SLC13A1: variants seen among roughly 807,000 people sequenced by gnomAD.
The protein encoded by SLC13A1 is Na(+)/sulfate cotransporter.
A neutral mutation model predicts 70.0 loss-of-function variants in SLC13A1; 65 were observed. The ratio of observed to expected loss-of-function variants is 0.93; its 90% CI spans 0.76 to 1.14. The LOEUF is 1.14. Ranked by LOEUF, SLC13A1 falls within the 50% of genes most tolerant of loss-of-function variation. SLC13A1 has a pLI of 0.00. For synonymous variants in SLC13A1, 275 were observed against 250.5 expected (o/e 1.10, Z -0.92); for missense variants, 726 against 717.8 (o/e 1.01, Z -0.13).
chr7:123,168,931 G>A (rs1306437711), intron 4 of SLC13A1, among the ~76,000 whole-genome samples: 1 of 152,100 alleles, frequency 6.6e-6, no homozygotes. Flanking sequence ...GATAGAAAAG[G>A]CATTCTTCTT....
At chr7:123,126,624 G>A (rs1563319521) in intron 10 of SLC13A1, among the ~76,000 whole-genome samples, 1 of 151,924 alleles carries the variant, frequency 6.6e-6, no homozygotes, top group Non-Finnish European at 1.5e-5. Flanking sequence ...AATCTAAAAA[G>A]CCAAAGAAAT....
chr7:123,137,245 A>G (rs926534302), intron 7 of SLC13A1, among the ~76,000 whole-genome samples: 3 of 152,134 alleles, frequency 2.0e-5, no homozygotes, highest in African/African-American at 7.2e-5. Flanking sequence ...TATGCCTCAA[A>G]TTTCTGCCTC....
chr7:123,185,164 C>A (rs1457965197), intron 1 of SLC13A1, among the ~76,000 whole-genome samples: 2 of 151,826 alleles, frequency 1.3e-5, no homozygotes, highest in African/African-American at 4.8e-5. Context: ...TGTTTGAATT[C>A]CTTATGTATT....
intron 2 of SLC13A1, among the ~76,000 whole-genome samples, chr7:123,177,988 TACATA>T (rs1435896442): frequency 1.3e-5 from 2 of 151,320 alleles, no homozygotes; most frequent in Non-Finnish European, 2.9e-5. Context: ...ACTGAGTAAA[TACATA>T]ACATAACACC....
intron 6 of SLC13A1, among the ~76,000 whole-genome samples, chr7:123,153,095 A>G (rs1290204027): frequency 6.6e-6 from 1 of 152,110 alleles, no homozygotes; most frequent in African/African-American, 2.4e-5. Flanking sequence ...TGGATTTCAT[A>G]TAAAAGCTTA....
chr7:123,195,584 T>A (rs563663242), intron 1 of SLC13A1, among the ~76,000 whole-genome samples: 21 of 152,192 alleles, frequency 1.4e-4, no homozygotes, highest in African/African-American at 5.1e-4. Flanking sequence ...TTCTCCCATC[T>A]GTTTATTTTA....
At chr7:123,155,817 A>G (rs1794691336) in intron 6 of SLC13A1, among the ~76,000 whole-genome samples, 1 of 152,052 alleles carries the variant, frequency 6.6e-6, no homozygotes, top group Non-Finnish European at 1.5e-5. Context: ...AAAGGCATAG[A>G]CTTGGCTCCT....
At chr7:123,161,350 C>A (rs1407016806) in intron 6 of SLC13A1, among the ~76,000 whole-genome samples, 1 of 151,372 alleles carries the variant, frequency 6.6e-6, no homozygotes, top group Admixed American at 6.6e-5. Context: ...ACTATAAATA[C>A]TATAGAAATT....
At chr7:123,122,324 G>C (rs1793408731) in intron 12 of SLC13A1, among the ~76,000 whole-genome samples, 1 of 152,154 alleles carries the variant, frequency 6.6e-6, no homozygotes, top group Admixed American at 6.5e-5. Context: ...TCAATTTGAT[G>C]ACTGAGTAAG....
At chr7:123,121,025 ATGTTCT>A (rs1793359277) in intron 12 of SLC13A1, among the ~76,000 whole-genome samples, 1 of 151,958 alleles carries the variant, frequency 6.6e-6, no homozygotes, top group Non-Finnish European at 1.5e-5. Flanking sequence ...TTTTGTGGAA[ATGTTCT>A]TCTTTTCTAT....
intron 7 of SLC13A1, among the ~76,000 whole-genome samples, chr7:123,145,214 T>A (rs1794308997): frequency 6.6e-6 from 1 of 152,140 alleles, no homozygotes; most frequent in South Asian, 2.1e-4. Flanking sequence ...TTTAATTAAT[T>A]CAATAATGTT....
chr7:123,139,681 A>G (rs2470974), intron 7 of SLC13A1, among the ~76,000 whole-genome samples: 4,382 of 152,118 alleles, frequency 0.029, 210 homozygotes, highest in African/African-American at 0.1. Context: ...GCTGTCATAA[A>G]TGGAATTACT....
At chr7:123,178,188 A>C (rs1795518859) in intron 2 of SLC13A1, among the ~76,000 whole-genome samples, 1 of 152,112 alleles carries the variant, frequency 6.6e-6, no homozygotes, top group African/African-American at 2.4e-5. Context: ...AGTTCAACAA[A>C]TATGAGAAAA....
At position 123,134,545 on chromosome 7, in the gene SLC13A1, G is replaced by A; in HGVS notation, c.813-16C>T. On this transcript the variant is annotated splice_polypyrimidine_tract_variant and intron_variant, in intron 7 of 14. Transcript: ENST00000194130. ...AGGATAGCGTCTGTGTGAAAACATG[G>A]AGACGTGTTCAGGGATGGAGAGACA... The A allele has an allele frequency of 1.2e-6, 2 of 1,611,132 alleles. No individual in the cohort carries two copies. Among genetic ancestry groups the A allele is most frequent in the South Asian group, 2.2e-5 (2 of 90,628 alleles).
intron 2 of SLC13A1, 53 bp from the exon 3 acceptor site, chr7:123,171,957 T>A: frequency 6.4e-7 from 1 of 1,551,002 alleles, no homozygotes; most frequent in East Asian, 2.3e-5. Flanking sequence ...AAAAATAACA[T>A]TGCACAAGAA....
intron 1 of SLC13A1, 71 bp from the exon 2 acceptor site, chr7:123,181,172 T>C: frequency 2.0e-6 from 3 of 1,527,494 alleles, no homozygotes; most frequent in Middle Eastern, 3.5e-4. Context: ...AACACAAACA[T>C]GTTTGCTTAA....
At chr7:123,134,222 A>T (rs1280196691) in intron 8 of SLC13A1, among the ~76,000 whole-genome samples, 188 bp downstream of exon 8, 1 of 152,150 alleles carries the variant, frequency 6.6e-6, no homozygotes, top group Non-Finnish European at 1.5e-5. Flanking sequence ...ACTGTTCCAC[A>T]GCCAGTATTA....
rs748523850 is a variant in SLC13A1, at chr7:123,199,903, A to G, written c.44T>C (p.Phe15Ser). 1 of 1,613,156 alleles carries G rather than the reference A, an allele frequency of 6.2e-7. No individual in the cohort carries two copies. Among genetic ancestry groups the G allele is most frequent in the Non-Finnish European group, 8.5e-7 (1 of 1,179,412 alleles). Reference sequence around the variant, plus strand: ...TAAAACCAACACAGTGAAAACCACGAAGAGAAATCGGCGATAAACCAGAAT... The same window carrying G: ...TAAAACCAACACAGTGAAAACCACGGAGAGAAATCGGCGATAAACCAGAAT... Reference protein sequence around the residue: ...SYILVYRRFLFVVFTVLVLLP... With the variant: ...SYILVYRRFLSVVFTVLVLLP... Residue 15 changes from phenylalanine to serine, a missense_variant, in exon 1 of 15, where the codon TTC becomes TCC. Transcript: ENST00000194130.
intron 1 of SLC13A1, among the ~76,000 whole-genome samples, chr7:123,198,746 C>A (rs1189510215): frequency 3.9e-5 from 6 of 152,000 alleles, no homozygotes; most frequent in Non-Finnish European, 8.8e-5. Flanking sequence ...CTATTATAAC[C>A]CAGACTGGTG....
Sources: allele counts gnomAD v4.1 joint callset (sites outside exome capture counted in the v4.1 genomes callset), GRCh38; gene constraint gnomAD v4.1.1; transcripts MANE v1.5; gene names NCBI Gene and HGNC (gene_info 2026-07-23, HGNC 2026-07-21).